The following SBNO1 variants were observed in gnomAD, a reference collection of about 807,000 sequenced individuals.
The protein encoded by SBNO1 is protein strawberry notch homolog 1.
SBNO1 carries 23 observed loss-of-function variants against 173.6 expected under a neutral mutation model. The observed-to-expected ratio is 0.13, with a 90% CI of 0.10 to 0.19. The LOEUF is 0.19. SBNO1 is among the 10% of genes least tolerant of loss of function. SBNO1 has a pLI of 1.00. For missense variants in SBNO1, 1,238 were observed against 1,671.2 expected (o/e 0.74, Z 4.52); for synonymous variants, 632 against 571.5 (o/e 1.11, Z -1.51).
rs536355690 is a variant in SBNO1 at position 123,313,029 on chromosome 12, G to A, written c.3220+591C>T. On this transcript the variant is annotated intron_variant, in intron 24 of 31. Coordinates refer to ENST00000602398, the MANE Select transcript of SBNO1 (RefSeq NM_001167856.3). The stretch of plus-strand genomic sequence containing the variant: ...ACCATCCTGGCCAACATGGTGCAAC[G>A]CCGTGTCTACTAAAAATACAAAAAT... Among the ~76,000 whole-genome samples the A allele has an allele frequency of 3.3e-5, 5 of 151,608 alleles. No homozygotes were observed. The East Asian group carries it at 9.7e-4, about 29-fold the overall frequency.
rs1320047654 is a variant in SBNO1, at chr12:123,315,464, C to T, written c.3049-20G>A. 6.2e-7 allele frequency: 1 copy of T among 1,605,754 alleles called. No individual in the cohort carries two copies. Among genetic ancestry groups the T allele is most frequent in the Admixed American group, 1.7e-5 (1 of 59,992 alleles). ...TGCCCCCTGTTAAAAACAAAAATTT[C>T]AATCAAGGCACAGGTAACCTTTTAC... On this transcript the variant is annotated intron_variant, in intron 22 of 31. Transcript: ENST00000602398.
intron 4 of SBNO1, among the ~76,000 whole-genome samples, chr12:123,341,350 G>C (rs1443282413): frequency 1.2e-4 from 19 of 152,010 alleles, no homozygotes. Flanking sequence ...TCGGGAGACT[G>C]AGGCAGAGAA....
chr12:123,345,293 G>A lies in SBNO1; in HGVS notation c.515C>T (p.Pro172Leu). Residue 172 changes from proline (P) to leucine (L), a missense_variant, in exon 4 of 32, where the codon CCT (proline) becomes CTT (leucine). This residue lies in a region of SBNO1 where 287 missense variants were observed against 274.1 expected (regional missense o/e 1.05). Transcript: ENST00000602398. ...SLNELMKLKP[P>L]ANIAQPVATA... ...TGCTACTGGCTGAGCAATATTAGCA[G>A]GTGGCTTTAGTTTCATCAGTTCATT... is the stretch of plus-strand genomic sequence containing the variant. 1 of 1,614,136 alleles carries A rather than the reference G, an allele frequency of 6.2e-7. No individual in the cohort carries two copies. Among genetic ancestry groups the A allele is most frequent in the Non-Finnish European group, 8.5e-7 (1 of 1,179,984 alleles).
Position 123,320,588 on chromosome 12 carries a change from A to T in SBNO1, c.2511T>A (p.Ser837Arg), listed in dbSNP as rs746840558. Reference protein sequence around the residue: ...NSTPANSNTNSNSSLITSQDA... With the variant: ...NSTPANSNTNRNSSLITSQDA... ...CCTGACTTGTTATAAGGCTACTGTTACTGTTGGTGTTACTGTTAGCTAGAT... is the reference window on the plus strand; with the variant it reads ...CCTGACTTGTTATAAGGCTACTGTTTCTGTTGGTGTTACTGTTAGCTAGAT... Residue 837 changes from serine to arginine, a missense_variant, in exon 19 of 32, where the codon AGT (serine) becomes AGA (arginine). This residue lies in a region of SBNO1 where 74 missense variants were observed against 68.5 expected (regional missense o/e 1.08). Coordinates refer to ENST00000602398, the MANE Select transcript of SBNO1 (RefSeq NM_001167856.3). The T allele has an allele frequency of 1.9e-6, 3 of 1,613,132 alleles. 1 individual carries two copies. In the South Asian group the frequency reaches 3.3e-5, roughly 18 times the overall value.
At chr12:123,306,812 A>C (rs1262790911) in intron 28 of SBNO1, among the ~76,000 whole-genome samples, 1 of 151,970 alleles carries the variant, frequency 6.6e-6, no homozygotes, top group African/African-American at 2.4e-5. Context: ...GTAACTGATA[A>C]AAGTATGCAA....
At chr12:123,359,916 T>G (rs1874932785) in intron 1 of SBNO1, among the ~76,000 whole-genome samples, 1 of 152,170 alleles carries the variant, frequency 6.6e-6, no homozygotes. Flanking sequence ...TAGTTATTAA[T>G]TGGTATTTAA....
chr12:123,349,307 G>A (rs1199070084), intron 2 of SBNO1, among the ~76,000 whole-genome samples: 2 of 151,938 alleles, frequency 1.3e-5, no homozygotes, highest in Non-Finnish European at 2.9e-5. Flanking sequence ...TTGCTACGTT[G>A]CCCAGGCTGG....
rs573867022 is a variant in SBNO1 at position 123,330,411 on chromosome 12, T to C, written c.1134+8A>G. ...TTGAATGACCAACTGAATAAAAAGA[T>C]TTCATACCTTATTTAACGAATGAAC... is the stretch of plus-strand genomic sequence containing the variant. On this transcript the variant is annotated splice_region_variant and intron_variant, in intron 9 of 31. Coordinates refer to ENST00000602398, the MANE Select transcript of SBNO1 (RefSeq NM_001167856.3). 1.0e-4 allele frequency: 152 copies of C among 1,458,624 alleles called. 5 individuals carry two copies. In the South Asian group the frequency reaches 1.6e-3, roughly 16 times the overall value. The allele number at this position is 1,458,624 out of a possible 1,614,324, so 90.4% of individuals were successfully genotyped here.
At chr12:123,328,078 T>TC in intron 10 of SBNO1, 51 bp from the exon 11 acceptor site, 1 of 1,431,334 alleles carries the variant, frequency 7.0e-7, no homozygotes, top group Non-Finnish European at 9.6e-7. Context: ...AGTAAGAATC[T>TC]CCAGTCTTTC....
At position 123,330,446 on chromosome 12, in the gene SBNO1, T is replaced by A. The variant is rs754237068; in HGVS notation, c.1107A>T (p.Lys369Asn). 4 of 1,602,118 alleles carry A rather than the reference T, an allele frequency of 2.5e-6. No individual in the cohort carries two copies. The highest frequency in any genetic ancestry group is 2.6e-6 in the Non-Finnish European group (3 of 1,172,986). ...TATTTAACGAATGAACCAAAATGTT[T>A]TTTGCTCCAATATCCCTTAAATCTC... The part of the protein sequence containing the change: ...AERDLRDIGA[K>N]NILVHSLNKF... Residue 369 changes from lysine to asparagine, a missense_variant, in exon 9 of 32, where the codon AAA becomes AAT. This residue lies in a region of SBNO1 where 56 missense variants were observed against 65.1 expected (regional missense o/e 0.86). Coordinates refer to ENST00000602398, the MANE Select transcript of SBNO1 (RefSeq NM_001167856.3).
At chr12:123,353,576 T>C (rs1390600327) in intron 1 of SBNO1, among the ~76,000 whole-genome samples, 1 of 152,176 alleles carries the variant, frequency 6.6e-6, no homozygotes, top group African/African-American at 2.4e-5. Flanking sequence ...AGATTTCAAA[T>C]AAAGTTGTTT....
At chr12:123,350,277 C>T (rs1440307151) in intron 2 of SBNO1, 33 bp downstream of exon 2, 1 of 1,609,886 alleles carries the variant, frequency 6.2e-7, no homozygotes, top group Non-Finnish European at 8.5e-7. Flanking sequence ...AAGCGGAAAT[C>T]ACTAAGAAAG....
chr12:123,313,793 C>G, intron 23 of SBNO1, 74 bp from the exon 24 acceptor site: 2 of 840,750 alleles, frequency 2.4e-6, no homozygotes, highest in Non-Finnish European at 3.9e-6. Flanking sequence ...CACCTAAATA[C>G]TATAAAAACT....
At chr12:123,301,341 C>A (rs2048784750) in intron 30 of SBNO1, among the ~76,000 whole-genome samples, 1 of 152,078 alleles carries the variant, frequency 6.6e-6, no homozygotes, top group South Asian at 2.1e-4. Flanking sequence ...CAGATTTTTT[C>A]TAATTTTCAG....
rs1401714513 is a variant in SBNO1 at position 123,336,407 on chromosome 12, T to G, written c.736A>C (p.Met246Leu). The G allele has an allele frequency of 6.3e-7, 1 of 1,588,842 alleles. No homozygotes were observed. The highest frequency in any genetic ancestry group is 8.6e-7 in the Non-Finnish European group (1 of 1,160,860). ...MGHAETYAEY[M>L]PIKLKIGLRH... is the part of the protein sequence containing the mutation. ...CCCGAAGACATACATTTTATTGGCA[T>G]GTATTCTGCATAGGTTTCTGCATGA... Residue 246 changes from methionine to leucine, a missense_variant, in exon 6 of 32, where the codon ATG becomes CTG. Physicochemically the swap from Met to Leu is conservative, Grantham distance 15. This residue lies in a region of SBNO1 where 78 missense variants were observed against 103.3 expected (regional missense o/e 0.76). Coordinates refer to ENST00000602398, the MANE Select transcript of SBNO1 (RefSeq NM_001167856.3).
intron 24 of SBNO1, among the ~76,000 whole-genome samples, chr12:123,311,720 C>CTATATATATATATATATATA (rs56718635): frequency 2.4e-5 from 3 of 127,434 alleles, no homozygotes; most frequent in African/African-American, 9.5e-5. Flanking sequence ...ATCTATCTAT[C>CTATATATATATATATATATA]TATATATATA....
intron 17 of SBNO1, 89 bp downstream of exon 17, chr12:123,321,446 T>C (rs1869966798): frequency 3.3e-6 from 3 of 916,386 alleles, no homozygotes; most frequent in East Asian, 5.0e-5. Context: ...TGATCATTTG[T>C]ACTGTACAGA....
chr12:123,334,477 G>A (rs1487389101), intron 6 of SBNO1, among the ~76,000 whole-genome samples: 5 of 152,214 alleles, frequency 3.3e-5, no homozygotes. Flanking sequence ...GGGGGCCAAG[G>A]TGGAGGGATC....
chr12:123,299,839 A>G (rs997977031), intron 30 of SBNO1, among the ~76,000 whole-genome samples: 1 of 152,148 alleles, frequency 6.6e-6, no homozygotes. Flanking sequence ...CTGTTTAAAA[A>G]AGAAAAAAGA....
Sources: allele counts gnomAD v4.1 joint callset (sites outside exome capture counted in the v4.1 genomes callset), GRCh38; gene constraint gnomAD v4.1.1; regional missense constraint gnomAD v4.1.1; transcripts MANE v1.5; gene names NCBI Gene and HGNC (gene_info 2026-07-23, HGNC 2026-07-21).